The following F2 variants were observed in gnomAD, a reference collection of about 807,000 sequenced individuals.
F2 encodes the protein coagulation factor II, thrombin.
A neutral mutation model predicts 81.9 loss-of-function variants in F2; 34 were observed. The ratio of observed to expected loss-of-function variants is 0.42; its 90% confidence interval spans 0.32 to 0.55. The LOEUF (loss-of-function observed/expected upper bound fraction) is 0.55, where lower values mean the gene tolerates loss of function less well. Among genes scored for constraint, F2 ranks in the 20% least tolerant of loss-of-function variants. F2 has a pLI of 0.18. For synonymous variants in F2, 296 were observed against 326.4 expected (o/e 0.91, Z 1.01); for missense variants, 630 against 833.4 (o/e 0.76, Z 3.00).
At position 46,722,582 on chromosome 11, in the gene F2, A is replaced by G. The variant is rs190054966; in HGVS notation, c.317-598A>G. Among the ~76,000 whole-genome samples, 17 of 152,334 alleles carry G rather than the reference A, an allele frequency of 1.1e-4. No homozygotes were observed. In the East Asian group the frequency reaches 3.3e-3, roughly 29 times the overall value. On this transcript the variant is annotated intron_variant, in intron 4 of 13. Transcript: ENST00000311907. ...CAGTCTCGGCAACAGAACAAGACTC[A>G]TCTCAAAATACATAAATAAAAATAA...
rs1457003499 is a variant in F2, at chr11:46,739,112, C to T, written c.1719C>T (p.Val573=). 1.2e-6 allele frequency: 2 copies of T among 1,614,158 alleles called. No homozygotes were observed. Among genetic ancestry groups the T allele is most frequent in the Non-Finnish European group, 1.7e-6 (2 of 1,180,016 alleles). Residue 573 remains valine, a synonymous_variant, in exon 13 of 14, where the codon GTC becomes GTT. Transcript: ENST00000311907. The part of the protein sequence containing the change: ...ACEGDSGGPF[V]MKSPFNNRWY... ...AAGGTGACAGTGGGGGACCCTTTGT[C>T]ATGAAGGTAAGCTTCTCTAAAGCCC...
chr11:46,725,733 CAG>C (rs2064867358), intron 6 of F2, 124 bp from the exon 7 acceptor site: 1 of 1,100,438 alleles, frequency 9.1e-7, no homozygotes, highest in Non-Finnish European at 1.4e-6. Context: ...GTCAGAAGCC[CAG>C]AGAGGTTAAG....
intron 9 of F2, among the ~76,000 whole-genome samples, 175 bp downstream of exon 9, chr11:46,727,012 T>G (rs1022730897): frequency 2.6e-5 from 4 of 152,196 alleles, no homozygotes; most frequent in African/African-American, 9.6e-5. Context: ...CTTCTTTTTT[T>G]TTGTTTCTTA....
chr11:46,730,966 G>A (rs2064907890), intron 12 of F2, among the ~76,000 whole-genome samples: 1 of 151,712 alleles, frequency 6.6e-6, no homozygotes, highest in Admixed American at 6.6e-5. Context: ...ACCCAGGCTT[G>A]AGTGCAGTGG....
intron 12 of F2, among the ~76,000 whole-genome samples, chr11:46,729,885 C>T (rs1216348107): frequency 6.6e-6 from 1 of 152,132 alleles, no homozygotes; most frequent in Admixed American, 6.6e-5. Context: ...AGGCAGCGTT[C>T]TAGGGTATAC....
intron 12 of F2, among the ~76,000 whole-genome samples, chr11:46,738,174 T>C (rs1374530880): frequency 6.6e-6 from 1 of 152,064 alleles, no homozygotes; most frequent in African/African-American, 2.4e-5. Context: ...CTAATTTTTG[T>C]ATTTTTAGTA....
At position 46,728,188 on chromosome 11, in the gene F2, G is replaced by A. The variant is rs1278813480; in HGVS notation, c.1298+25G>A. The A allele has an allele frequency of 1.3e-6, 2 of 1,598,864 alleles. No homozygotes were observed. The highest frequency in any genetic ancestry group is 2.7e-5 in the African/African-American group (2 of 74,890). On this transcript the variant is annotated intron_variant, in intron 10 of 13. Coordinates refer to ENST00000311907, the MANE Select transcript of F2 (RefSeq NM_000506.5). This position sits in a 1 kb window ranked among gnomAD's most constrained non-coding sequence, Gnocchi z 5.1. ...GGTACAGAACTGGTGGCCCGTGGGT[G>A]TCTGGCAGGGGTCTGAGTCCTCCAA...
intron 12 of F2, 64 bp downstream of exon 12, chr11:46,729,625 C>T (rs2064898546): frequency 1.9e-6 from 3 of 1,577,692 alleles, no homozygotes; most frequent in African/African-American, 2.7e-5. Context: ...TGAGTTGTGC[C>T]TGGGTTCAAG....
chr11:46,731,127 G>A (rs2064909184), intron 12 of F2, among the ~76,000 whole-genome samples: 1 of 152,126 alleles, frequency 6.6e-6, no homozygotes. Context: ...ATGTTGGCCA[G>A]GCTGGTCTTG....
At chr11:46,731,941 G>C (rs2064915207) in intron 12 of F2, among the ~76,000 whole-genome samples, 1 of 131,862 alleles carries the variant, frequency 7.6e-6, no homozygotes, top group African/African-American at 2.9e-5. Context: ...TTTTGTGATG[G>C]AGTCTCCCTC....
chr11:46,728,000 G>A lies in F2; in HGVS notation c.1135G>A (p.Val379Met). The change falls in exon 10 of 14, where the codon GTG becomes ATG. Residue 379 changes from valine (V) to methionine (M), a missense_variant. By Grantham distance (21) the Val-to-Met change is conservative (BLOSUM62 1). Transcript: ENST00000311907. ...DAEIGMSPWQ[V>M]MLFRKSPQEL... The stretch of plus-strand genomic sequence containing the variant: ...GCTTCCTGCTGCCCCTCCCAGGCAG[G>A]TGATGCTTTTCCGGAAGAGTCCCCA... 1 of 1,609,346 alleles carries A rather than the reference G, an allele frequency of 6.2e-7. No individual in the cohort carries two copies. The highest frequency in any genetic ancestry group is 8.5e-7 in the Non-Finnish European group (1 of 1,178,606).
Position 46,726,442 on chromosome 11 carries a change from G to C in F2, c.875-56G>C, listed in dbSNP as rs908799676. The C allele has an allele frequency of 1.3e-6, 2 of 1,589,586 alleles. No individual in the cohort carries two copies. The highest frequency in any genetic ancestry group is 1.7e-6 in the Non-Finnish European group (2 of 1,168,628). On this transcript the variant is annotated intron_variant, in intron 7 of 13. Transcript: ENST00000311907. This position sits in a 1 kb window ranked among gnomAD's most constrained non-coding sequence, Gnocchi z 5.9. ...CCCGTAGGGGAATTGGGGGGATCTA[G>C]GGGATGGGTGAGGAATGGCCCAGCC...
chr11:46,724,351 T>G (rs999664811), intron 6 of F2, among the ~76,000 whole-genome samples: 1 of 152,134 alleles, frequency 6.6e-6, no homozygotes, highest in Non-Finnish European at 1.5e-5. Context: ...CCTGGCTGGG[T>G]GGCTCTGATT....
chr11:46,739,504 C>CG lies in F2; in HGVS notation c.*97dup. ...GGTTCCCAATAAAAGTGACTCTCAG[C>CG]GAGCCTCAATGCTCCCAGTGCTATT... On this transcript the variant is annotated 3_prime_UTR_variant, in exon 14 of 14. Transcript: ENST00000311907. 10 of 1,520,030 alleles carry CG rather than the reference C, an allele frequency of 6.6e-6. No individual in the cohort carries two copies. The highest frequency in any genetic ancestry group is 9.0e-6 in the Non-Finnish European group (10 of 1,106,904). 94.2% of individuals were successfully genotyped at this position (1,520,030 alleles called of 1,614,324 possible).
chr11:46,719,226 C>G lies in F2; in HGVS notation c.-10C>G. 1 of 1,613,828 alleles carries G rather than the reference C, an allele frequency of 6.2e-7. No individual in the cohort carries two copies. The highest frequency in any genetic ancestry group is 8.5e-7 in the Non-Finnish European group (1 of 1,179,986). On this transcript the variant is annotated 5_prime_UTR_variant, in exon 1 of 14. Transcript: ENST00000311907. The surrounding 1 kb of genome is among the most constrained non-coding windows in gnomAD (Gnocchi z 4.7). Reference sequence around the variant, plus strand: ...AGACAATTCCTCAGTGACCCAGGAGCTGACACACTATGGCGCACGTCCGAG... The same window carrying G: ...AGACAATTCCTCAGTGACCCAGGAGGTGACACACTATGGCGCACGTCCGAG...
intron 12 of F2, among the ~76,000 whole-genome samples, chr11:46,734,771 G>T (rs778569012): frequency 1.3e-5 from 2 of 151,942 alleles, no homozygotes; most frequent in African/African-American, 4.8e-5. Context: ...AGATCGTGCC[G>T]CTGCACTCCA....
In F2 at chr11:46,726,289, A is replaced by G; in HGVS notation, c.874+116A>G. 6.8e-6 allele frequency: 10 copies of G among 1,462,172 alleles called. No individual in the cohort carries two copies. The highest frequency in any genetic ancestry group is 8.4e-6 in the Non-Finnish European group (9 of 1,074,720). 90.6% of individuals were successfully genotyped at this position (1,462,172 alleles called of 1,614,324 possible). On this transcript the variant is annotated intron_variant, in intron 7 of 13. Transcript: ENST00000311907. This position sits in a 1 kb window ranked among gnomAD's most constrained non-coding sequence, Gnocchi z 5.9. ...TTGAGTGCGCTCATTACAGCCTTAC[A>G]GTAACCAGGTGGGGGGTAAGGTCCT...
Position 46,723,406 on chromosome 11 carries a change from G to T in F2, c.447G>T (p.Gly149=). 1 of 1,614,060 alleles carries T rather than the reference G, an allele frequency of 6.2e-7. No homozygotes were observed. The highest frequency in any genetic ancestry group is 8.5e-7 in the Non-Finnish European group (1 of 1,180,012). ...GAATCAACTCCACTACCCATCCTGG[G>T]GCCGACCTACAGGAGAATTTCTGCC... ...KPEINSTTHP[G]ADLQENFCRN... is the part of the protein sequence containing the mutation. The change falls in exon 6 of 14, where the codon GGG becomes GGT. Residue 149 remains glycine (G), a synonymous_variant. Transcript: ENST00000311907. The surrounding 1 kb of genome is among the most constrained non-coding windows in gnomAD (Gnocchi z 5.6).
chr11:46,726,445 G>T lies in F2; in HGVS notation c.875-53G>T. 6.3e-7 allele frequency: 1 copy of T among 1,592,412 alleles called. No individual in the cohort carries two copies. The highest frequency in any genetic ancestry group is 8.5e-7 in the Non-Finnish European group (1 of 1,169,924). ...GTAGGGGAATTGGGGGGATCTAGGG[G>T]ATGGGTGAGGAATGGCCCAGCCCAG... On this transcript the variant is annotated intron_variant, in intron 7 of 13. Coordinates refer to ENST00000311907, the MANE Select transcript of F2 (RefSeq NM_000506.5). The surrounding 1 kb of genome is among the most constrained non-coding windows in gnomAD (Gnocchi z 5.9).
Sources: gnomAD v4.1 joint callset for allele counts (sites outside exome capture counted in the v4.1 genomes callset) on GRCh38, gnomAD v4.1.1 for gene constraint, Gnocchi (gnomAD v3.1) non-coding constraint, MANE v1.5 for transcripts, NCBI Gene and HGNC (gene_info 2026-07-23, HGNC 2026-07-21) for gene names.